Variants in GALNT13 observed in about 807,000 individuals in gnomAD.
GALNT13 encodes the protein UDP-GalNAc:polypeptide N-acetylgalactosaminyltransferase 13.
A neutral mutation model predicts 64.2 loss-of-function variants in GALNT13; 28 were observed. The observed-to-expected ratio is 0.44, with a 90% CI of 0.32 to 0.60. The LOEUF is 0.60. Among genes scored for constraint, GALNT13 ranks in the 20% least tolerant of loss-of-function variants. The pLI, the probability that GALNT13 is intolerant of heterozygous loss-of-function variation, is 0.05. For missense variants in GALNT13, 577 were observed against 669.8 expected (o/e 0.86, Z 1.53); for synonymous variants, 214 against 224.6 (o/e 0.95, Z 0.42).
chr2:154,329,607 G>A (rs1411533745), intron 9 of GALNT13, among the ~76,000 whole-genome samples: 1 of 152,088 alleles, frequency 6.6e-6, no homozygotes, highest in Non-Finnish European at 1.5e-5. Flanking sequence ...AGCAGCTATA[G>A]TTGGGATGTT....
the GALNT13 span, among the ~76,000 whole-genome samples, chr2:153,440,197 A>G: frequency 2.0e-5 from 3 of 150,344 alleles, no homozygotes; most frequent in Non-Finnish European, 4.4e-5. Context: ...GAGAACATGC[A>G]TTGTTTTGTT....
At chr2:154,230,974 G>T (rs112540129) in intron 4 of GALNT13, among the ~76,000 whole-genome samples, 1 of 152,032 alleles carries the variant, frequency 6.6e-6, no homozygotes, top group African/African-American at 2.4e-5. Context: ...AAGAGAGGAG[G>T]TGGGCTTGTA....
chr2:153,911,754 G>A (rs901664251), intron 2 of GALNT13, among the ~76,000 whole-genome samples: 2 of 152,158 alleles, frequency 1.3e-5, no homozygotes, highest in Non-Finnish European at 2.9e-5. Flanking sequence ...CTTCTTGCTT[G>A]TAGTGCTGTT....
chr2:153,257,949 A>G, the GALNT13 span, among the ~76,000 whole-genome samples: 11 of 152,326 alleles, frequency 7.2e-5, no homozygotes, highest in African/African-American at 2.2e-4. Flanking sequence ...CATTCCCTGT[A>G]CAAGGTTCCT....
At chr2:154,009,521 G>A (rs1228297913) in intron 3 of GALNT13, among the ~76,000 whole-genome samples, 2 of 149,692 alleles carry the variant, frequency 1.3e-5, no homozygotes, top group African/African-American at 2.5e-5. Context: ...TTTTGAGGCG[G>A]AGTCTCACTC....
intron 3 of GALNT13, among the ~76,000 whole-genome samples, chr2:154,099,769 C>G (rs924230256): frequency 1.3e-5 from 2 of 152,214 alleles, no homozygotes; most frequent in African/African-American, 4.8e-5. Flanking sequence ...GAAACCCTCT[C>G]TCTACAAAAA....
chr2:154,398,344 A>G (rs1699149593), intron 10 of GALNT13, among the ~76,000 whole-genome samples: 1 of 152,196 alleles, frequency 6.6e-6, no homozygotes, highest in African/African-American at 2.4e-5. Context: ...CCTGAGAAAG[A>G]CTCAGGGCTC....
At chr2:154,005,381 C>A (rs1696173033) in intron 3 of GALNT13, among the ~76,000 whole-genome samples, 1 of 152,022 alleles carries the variant, frequency 6.6e-6, no homozygotes, top group Non-Finnish European at 1.5e-5. Flanking sequence ...TTTTGGCATC[C>A]TGGAAACCTG....
chr2:154,326,676 A>G (rs1694891320), intron 9 of GALNT13, among the ~76,000 whole-genome samples: 1 of 152,140 alleles, frequency 6.6e-6, no homozygotes, highest in African/African-American at 2.4e-5. Context: ...ATAAGCCAGA[A>G]TCTATATCCC....
At chr2:154,099,979 T>C (rs1008739489) in intron 3 of GALNT13, among the ~76,000 whole-genome samples, 2 of 151,950 alleles carry the variant, frequency 1.3e-5, no homozygotes, top group African/African-American at 4.8e-5. Flanking sequence ...TTTTGCCCCA[T>C]TGTTTATTTT....
chr2:154,261,124 A>G (rs1690671415), intron 8 of GALNT13, among the ~76,000 whole-genome samples: 1 of 152,202 alleles, frequency 6.6e-6, no homozygotes, highest in Non-Finnish European at 1.5e-5. Flanking sequence ...GTATAAATGT[A>G]TAAAAAGGAA....
the GALNT13 span, among the ~76,000 whole-genome samples, chr2:153,396,286 C>T: frequency 1.4e-4 from 22 of 151,976 alleles, no homozygotes; most frequent in Admixed American, 3.9e-4. Context: ...TTTGCCCAAA[C>T]GGAGTTTTCA....
intron 4 of GALNT13, among the ~76,000 whole-genome samples, chr2:154,196,055 A>T (rs909444712): frequency 2.6e-5 from 4 of 152,200 alleles, no homozygotes; most frequent in Admixed American, 1.3e-4. Context: ...GACATTGCAA[A>T]TATTTGCTGG....
the GALNT13 span, among the ~76,000 whole-genome samples, chr2:153,442,914 C>T: frequency 2.0e-5 from 3 of 152,182 alleles, no homozygotes; most frequent in African/African-American, 7.2e-5. Flanking sequence ...GCTCGAGTGT[C>T]CCTGGTTGAC....
Position 154,451,675 on chromosome 2 carries a change from A to T in GALNT13, c.*1124A>T, listed in dbSNP as rs1701875280. On this transcript the variant is annotated 3_prime_UTR_variant, in exon 13 of 13. Coordinates refer to ENST00000392825, the MANE Select transcript of GALNT13 (RefSeq NM_052917.4). Reference sequence around the variant, plus strand: ...TTATGGCCCAAGGAATATAGTTATAATCAGGCTACATTCACATTTTCTTTT... The same window carrying T: ...TTATGGCCCAAGGAATATAGTTATATTCAGGCTACATTCACATTTTCTTTT... 1 of 152,132 alleles carries T rather than the reference A, an allele frequency of 6.6e-6. No homozygotes were observed. Among genetic ancestry groups the T allele is most frequent in the Non-Finnish European group, 1.5e-5 (1 of 68,022 alleles). 9.4% of individuals were successfully genotyped at this position (152,132 alleles called of 1,614,324 possible).
the GALNT13 span, among the ~76,000 whole-genome samples, chr2:153,471,652 A>C: frequency 6.6e-6 from 1 of 152,072 alleles, no homozygotes; most frequent in Admixed American, 6.6e-5. Context: ...GTCCCAGCTC[A>C]TTTCTCTTAA....
chr2:154,029,091 A>G (rs1698170413), intron 3 of GALNT13, among the ~76,000 whole-genome samples: 1 of 151,818 alleles, frequency 6.6e-6, no homozygotes, highest in African/African-American at 2.4e-5. Context: ...GACTGCAGAT[A>G]TGAGGGGAAT....
At chr2:153,094,974 A>G in the GALNT13 span, among the ~76,000 whole-genome samples, 1 of 152,208 alleles carries the variant, frequency 6.6e-6, no homozygotes, top group Admixed American at 6.5e-5. Flanking sequence ...GGACATAGGC[A>G]TGGGCAAGGA....
intron 3 of GALNT13, among the ~76,000 whole-genome samples, chr2:153,944,851 C>G (rs1221992855): frequency 6.6e-6 from 1 of 152,132 alleles, no homozygotes; most frequent in Non-Finnish European, 1.5e-5. Context: ...AGTTAGCTAA[C>G]CTCTAAGATA....
Sources: allele counts gnomAD v4.1 joint callset (sites outside exome capture counted in the v4.1 genomes callset), GRCh38; gene constraint gnomAD v4.1.1; transcripts MANE v1.5; gene names NCBI Gene and HGNC (gene_info 2026-07-23, HGNC 2026-07-21).